The following CDC25A variants were observed in gnomAD, a reference collection of about 807,000 sequenced individuals.
The protein encoded by CDC25A is cell division cycle 25A.
Under a neutral mutation model 64.6 loss-of-function variants are expected in CDC25A, and 17 were observed. That is an observed-to-expected ratio of 0.26 (90% CI 0.18 to 0.39). CDC25A has a LOEUF of 0.39. CDC25A is among the 10% of genes least tolerant of loss of function. The pLI is 1.00. For synonymous variants in CDC25A, 229 were observed against 238.6 expected (o/e 0.96, Z 0.37); for missense variants, 473 against 654.8 (o/e 0.72, Z 3.03).
chr3:48,163,981 T>C (rs1275630807), intron 13 of CDC25A, among the ~76,000 whole-genome samples: 2 of 152,134 alleles, frequency 1.3e-5, no homozygotes, highest in African/African-American at 2.4e-5. Flanking sequence ...GGTAATAATA[T>C]CAAGTGTTTC....
At chr3:48,165,107 C>CAAAAAAAAAAA (rs11370901) in intron 12 of CDC25A, among the ~76,000 whole-genome samples, 10,070 of 84,102 alleles carry the variant, frequency 0.12, 1,127 homozygotes, top group Non-Finnish European at 0.18. Flanking sequence ...GACTCTGTCT[C>CAAAAAAAAAAA]AAAAAAAAAA....
At chr3:48,165,430 T>C (rs917395679) in intron 12 of CDC25A, among the ~76,000 whole-genome samples, 14 of 5,972 alleles carry the variant, frequency 2.3e-3, no homozygotes, top group South Asian at 0.12. Flanking sequence ...GAAGAATAAC[T>C]GTGCACAAGG....
At chr3:48,183,702 G>A (rs2032748058) in intron 4 of CDC25A, 98 bp downstream of exon 4, 1 of 773,976 alleles carries the variant, frequency 1.3e-6, no homozygotes, top group Non-Finnish European at 2.2e-6. Flanking sequence ...AAGAAAAGCA[G>A]TTTTTACTCT....
chr3:48,163,283 C>CA (rs753999679), intron 13 of CDC25A, among the ~76,000 whole-genome samples: 3,427 of 90,152 alleles, frequency 0.038, 117 homozygotes, highest in African/African-American at 0.091. Context: ...GCCTCCGCCT[C>CA]AAAAAAAAAA....
Position 48,188,258 on chromosome 3 carries a change from A to T in CDC25A, c.-311T>A, listed in dbSNP as rs2106777127. The T allele has an allele frequency of 4.0e-6, 1 of 247,176 alleles. No homozygotes were observed. Among genetic ancestry groups the T allele is most frequent in the East Asian group, 7.8e-5 (1 of 12,836 alleles). 15.3% of individuals were successfully genotyped at this position (247,176 alleles called of 1,614,324 possible). A position where few individuals can be genotyped will look rare whatever the true frequency, so the allele number is the denominator to read the frequency against. ...ACAAACGTGGCGGGTCGGCAAGAGAAGCCGGGCGAGAGCCTCGAGGCAACG... is the reference window on the plus strand; with the variant it reads ...ACAAACGTGGCGGGTCGGCAAGAGATGCCGGGCGAGAGCCTCGAGGCAACG... On this transcript the variant is annotated 5_prime_UTR_variant, in exon 1 of 15. Coordinates refer to ENST00000302506, the MANE Select transcript of CDC25A (RefSeq NM_001789.3).
chr3:48,181,646 G>A, intron 5 of CDC25A: 1 of 1,245,444 alleles, frequency 8.0e-7, no homozygotes, highest in Non-Finnish European at 1.2e-6. Flanking sequence ...AAAGAGTGAT[G>A]AACGGCTAAC....
At chr3:48,168,924 T>A (rs1373943618) in intron 9 of CDC25A, among the ~76,000 whole-genome samples, 4 of 152,106 alleles carry the variant, frequency 2.6e-5, no homozygotes, top group African/African-American at 9.7e-5. Context: ...AGTGCTGGGA[T>A]TACAGGTGTG....
At position 48,187,967 on chromosome 3, in the gene CDC25A, G is replaced by A. The variant is rs2032911062; in HGVS notation, c.-20C>T. On this transcript the variant is annotated 5_prime_UTR_variant, in exon 1 of 15. Transcript: ENST00000302506. Reference sequence around the variant, plus strand: ...TTCCATGGCGGCGCCCGGCCTCGCAGAGCTCCCGCTCCCTCTTCCTCTGCC... The same window carrying A: ...TTCCATGGCGGCGCCCGGCCTCGCAAAGCTCCCGCTCCCTCTTCCTCTGCC... The A allele has an allele frequency of 6.9e-7, 1 of 1,458,488 alleles. No individual in the cohort carries two copies. Among genetic ancestry groups the A allele is most frequent in the South Asian group, 1.4e-5 (1 of 72,684 alleles). 90.3% of individuals were successfully genotyped at this position (1,458,488 alleles called of 1,614,324 possible).
chr3:48,171,620 C>CGAGGCTGGTATGGAA (rs1185343280), intron 9 of CDC25A, among the ~76,000 whole-genome samples: 1 of 151,890 alleles, frequency 6.6e-6, no homozygotes, highest in Non-Finnish European at 1.5e-5. Flanking sequence ...ACCTCGTGAT[C>CGAGGCTGGTATGGAA]CACCCGCCTT....
intron 13 of CDC25A, among the ~76,000 whole-genome samples, chr3:48,163,097 C>T (rs1430493873): frequency 2.6e-5 from 4 of 151,772 alleles, no homozygotes; most frequent in African/African-American, 9.7e-5. Flanking sequence ...GCCCGGCCAA[C>T]ATGGTGAAAC....
rs2031615518 is a variant in CDC25A, at chr3:48,158,470, T to C, written c.*475A>G. 2.0e-5 allele frequency: 3 copies of C among 152,184 alleles called. No homozygotes were observed. Among genetic ancestry groups the C allele is most frequent in the Admixed American group, 1.3e-4 (2 of 15,234 alleles). 9.4% of individuals were successfully genotyped at this position (152,184 alleles called of 1,614,324 possible). A position where few individuals can be genotyped will look rare whatever the true frequency, so the allele number is the denominator to read the frequency against. ...AGCAGTAAAATAAGTCTCCAGGAGT[T>C]AGAAAAAAAAATAAAATAAAGTGAT... On this transcript the variant is annotated 3_prime_UTR_variant, in exon 15 of 15. Transcript: ENST00000302506.
Position 48,181,067 on chromosome 3 carries a change from A to G in CDC25A, c.430-227T>C, listed in dbSNP as rs144492976. ...TCATACTGTATTTCCTAACACAAGT[A>G]TCTGCCAAATATACAAAACACGATG... On this transcript the variant is annotated intron_variant, in intron 5 of 14. Coordinates refer to ENST00000302506, the MANE Select transcript of CDC25A (RefSeq NM_001789.3). 5.1e-4 allele frequency among the ~76,000 whole-genome samples: 77 copies of G among 152,368 alleles called. 1 individual carries two copies. Among genetic ancestry groups the G allele is most frequent in the Non-Finnish European group, 6.9e-4 (47 of 68,036 alleles).
intron 6 of CDC25A, among the ~76,000 whole-genome samples, chr3:48,179,112 A>C (rs2032570905): frequency 1.3e-5 from 2 of 152,292 alleles, no homozygotes; most frequent in South Asian, 4.1e-4. Flanking sequence ...TTTGCTTCAC[A>C]ATATAAAACA....
At chr3:48,186,663 A>C in intron 2 of CDC25A, 40 bp downstream of exon 2, 1 of 1,307,364 alleles carries the variant, frequency 7.6e-7, no homozygotes, top group Non-Finnish European at 1.1e-6. Flanking sequence ...ATGTTTCAGG[A>C]AATTCAGAGT....
chr3:48,184,616 T>C lies in CDC25A; in HGVS notation c.290+37A>G, dbSNP rs540513733. On this transcript the variant is annotated intron_variant, in intron 3 of 14. Transcript: ENST00000302506. Reference sequence around the variant, plus strand: ...AGGTATTTAAGTTTAGACACGTTTTTTCTACATATAAACATTTGAAAGCAG... The same window carrying C: ...AGGTATTTAAGTTTAGACACGTTTTCTCTACATATAAACATTTGAAAGCAG... 1.1e-5 allele frequency: 16 copies of C among 1,472,550 alleles called. No individual in the cohort carries two copies. The East Asian group carries it at 3.7e-4, about 34-fold the overall frequency. The allele number at this position is 1,472,550 out of a possible 1,614,324, so 91.2% of individuals were successfully genotyped here.
chr3:48,172,370 G>A, intron 9 of CDC25A, among the ~76,000 whole-genome samples: 1 of 152,206 alleles, frequency 6.6e-6, no homozygotes, highest in Non-Finnish European at 1.5e-5. Flanking sequence ...ACTGTGATGA[G>A]ATTTACTTAA....
chr3:48,181,768 AG>A, intron 5 of CDC25A: 1 of 665,920 alleles, frequency 1.5e-6, no homozygotes. Context: ...TAAAGTTCTG[AG>A]AGAAATAAAA....
intron 3 of CDC25A, among the ~76,000 whole-genome samples, chr3:48,184,080 G>A (rs555733202): frequency 3.3e-5 from 5 of 152,140 alleles, no homozygotes; most frequent in Admixed American, 6.5e-5. Flanking sequence ...GGCTGGGCGC[G>A]GTGGCTCACA....
At chr3:48,164,535 C>A in intron 12 of CDC25A, 98 bp from the exon 13 acceptor site, 2 of 1,173,984 alleles carry the variant, frequency 1.7e-6, no homozygotes, top group East Asian at 2.9e-5. Flanking sequence ...TCTTTAAGTC[C>A]ACAAGACCAG....
Sources: gnomAD v4.1 joint callset for allele counts (sites outside exome capture counted in the v4.1 genomes callset) on GRCh38, gnomAD v4.1.1 for gene constraint, MANE v1.5 for transcripts, NCBI Gene and HGNC (gene_info 2026-07-23, HGNC 2026-07-21) for gene names.